Variants in AFG2A observed in about 807,000 individuals in gnomAD.
AFG2A encodes the protein AAA ATPase AFG2A.
chr4:123,115,792 A>G, the AFG2A span, among the ~76,000 whole-genome samples: 1 of 152,214 alleles, frequency 6.6e-6, no homozygotes, highest in Non-Finnish European at 1.5e-5. Context: ...CGCTGCTGCC[A>G]TCAATTTGAA....
chr4:123,289,374 C>T, the AFG2A span, among the ~76,000 whole-genome samples: 1 of 152,108 alleles, frequency 6.6e-6, no homozygotes, highest in Non-Finnish European at 1.5e-5. Flanking sequence ...GGGTAGTATT[C>T]CATGGTATAT....
chr4:123,263,655 G>A, the AFG2A span, among the ~76,000 whole-genome samples: 1 of 151,998 alleles, frequency 6.6e-6, no homozygotes, highest in Non-Finnish European at 1.5e-5. Context: ...CAAAACCACA[G>A]TGCAATACCA....
chr4:123,167,518 T>C, the AFG2A span, among the ~76,000 whole-genome samples: 1 of 152,038 alleles, frequency 6.6e-6, no homozygotes, highest in Non-Finnish European at 1.5e-5. Context: ...CAGCTAATTT[T>C]TTGTATTTTT....
At chr4:122,971,765 C>T in the AFG2A span, among the ~76,000 whole-genome samples, 1 of 152,016 alleles carries the variant, frequency 6.6e-6, no homozygotes, top group African/African-American at 2.4e-5. Flanking sequence ...TATCACATTT[C>T]TACATTTATT....
At chr4:123,007,598 G>GT in the AFG2A span, among the ~76,000 whole-genome samples, 373 of 8,632 alleles carry the variant, frequency 0.043, 3 homozygotes, top group African/African-American at 0.08. Flanking sequence ...GTGTGTGTGT[G>GT]TGTGTGTGTG....
chr4:123,318,091 T>C, the AFG2A span: 2 of 152,242 alleles, frequency 1.3e-5, no homozygotes, highest in African/African-American at 4.8e-5. Context: ...AATACAGTCA[T>C]ATCATTTAAC....
At chr4:123,027,906 G>A in the AFG2A span, among the ~76,000 whole-genome samples, 1 of 151,782 alleles carries the variant, frequency 6.6e-6, no homozygotes, top group Admixed American at 6.6e-5. Context: ...CTTTCTAGAA[G>A]GTTAGATTTT....
At chr4:123,223,552 C>T in the AFG2A span, among the ~76,000 whole-genome samples, 1 of 152,182 alleles carries the variant, frequency 6.6e-6, no homozygotes, top group Non-Finnish European at 1.5e-5. Context: ...GAAGCAGGCA[C>T]ATCTTCATAT....
chr4:123,013,527 A>T, the AFG2A span, among the ~76,000 whole-genome samples: 3 of 152,196 alleles, frequency 2.0e-5, no homozygotes, highest in African/African-American at 7.2e-5. Context: ...GTTCTCACTC[A>T]TAAGTGGGAG....
chr4:123,173,292 A>G, the AFG2A span, among the ~76,000 whole-genome samples: 17 of 149,654 alleles, frequency 1.1e-4, no homozygotes, highest in East Asian at 7.8e-4. Flanking sequence ...CACACTTATC[A>G]TTACAAGTGT....
chr4:123,204,362 A>T, the AFG2A span, among the ~76,000 whole-genome samples: 1 of 152,192 alleles, frequency 6.6e-6, no homozygotes, highest in Admixed American at 6.5e-5. Context: ...TGAATGAGAA[A>T]TCTAGTTTCT....
the AFG2A span, among the ~76,000 whole-genome samples, chr4:123,078,466 A>G: frequency 6.6e-6 from 1 of 152,216 alleles, no homozygotes; most frequent in African/African-American, 2.4e-5. Flanking sequence ...ATTTTTGTGC[A>G]TTAATAATAG....
At chr4:123,196,295 C>T in the AFG2A span, among the ~76,000 whole-genome samples, 2 of 150,388 alleles carry the variant, frequency 1.3e-5, no homozygotes, top group Non-Finnish European at 3.0e-5. Context: ...AGGTGTGAGC[C>T]ACCGCGCCCG....
chr4:123,173,600 T>C, the AFG2A span, among the ~76,000 whole-genome samples: 2 of 151,976 alleles, frequency 1.3e-5, no homozygotes, highest in African/African-American at 2.4e-5. Context: ...ATGATCCGCC[T>C]GTCTCAGCCT....
chr4:123,318,899 C>T, the AFG2A span: 2 of 152,164 alleles, frequency 1.3e-5, no homozygotes, highest in African/African-American at 4.8e-5. Context: ...CTTAGGAAGA[C>T]AATTTACTTT....
At chr4:123,196,646 T>C in the AFG2A span, among the ~76,000 whole-genome samples, 4 of 152,198 alleles carry the variant, frequency 2.6e-5, no homozygotes, top group Non-Finnish European at 4.4e-5. Context: ...CTTATTTGCA[T>C]TTGTTGATCA....
the AFG2A span, among the ~76,000 whole-genome samples, chr4:123,124,146 C>T: frequency 6.6e-6 from 1 of 151,866 alleles, no homozygotes; most frequent in Non-Finnish European, 1.5e-5. Flanking sequence ...GGGTATATAC[C>T]CAAACGATTA....
the AFG2A span, among the ~76,000 whole-genome samples, chr4:122,988,401 C>CT: frequency 0.12 from 15,204 of 122,964 alleles, 934 homozygotes; most frequent in Middle Eastern, 0.22. Context: ...GTCATTCTTT[C>CT]TTTTTTTTTT....
the AFG2A span, among the ~76,000 whole-genome samples, chr4:123,012,196 G>A: frequency 7.0e-6 from 1 of 143,386 alleles, no homozygotes; most frequent in African/African-American, 2.6e-5. Context: ...AAGGGGTGGG[G>A]GGCGCTTGTC....
Sources: gnomAD v4.1 joint callset for allele counts (sites outside exome capture counted in the v4.1 genomes callset) on GRCh38, gnomAD v4.1.1 for gene constraint, MANE v1.5 for transcripts, NCBI Gene and HGNC (gene_info 2026-07-23, HGNC 2026-07-21) for gene names.